Variants in OASL observed in about 807,000 individuals in gnomAD.
OASL encodes 2'-5'-oligoadenylate synthetase like.
A neutral mutation model predicts 35.3 loss-of-function variants in OASL; 28 were observed. The ratio of observed to expected loss-of-function variants is 0.79; its 90% CI spans 0.59 to 1.09. OASL has a LOEUF of 1.09. Among genes scored for constraint, OASL ranks in the 50% least tolerant of loss-of-function variants. OASL has a pLI of 0.00. For synonymous variants in OASL, 252 were observed against 254.6 expected, an observed-to-expected ratio of 0.99 and a Z score of 0.10; for missense variants, 620 against 635.2, an observed-to-expected ratio of 0.98 and a Z score of 0.26.
At chr12:121,028,619 C>A (rs112508908) in intron 3 of OASL, among the ~76,000 whole-genome samples, 22,605 of 146,304 alleles carry the variant, frequency 0.15, 1,654 homozygotes, top group Non-Finnish European at 0.19. Context: ...TGAAACCCGC[C>A]CCCCCCGCCC....
chr12:121,034,110 C>T (rs1869858988), intron 1 of OASL, among the ~76,000 whole-genome samples: 1 of 151,896 alleles, frequency 6.6e-6, no homozygotes, highest in African/African-American at 2.4e-5. Context: ...GTGCCTGGCA[C>T]ACAGGAAGTC....
At chr12:121,018,665 G>A (rs146651774), downstream of OASL, among the ~76,000 whole-genome samples, 1,092 of 151,724 alleles carry the variant, frequency 7.2e-3, 19 homozygotes, top group African/African-American at 0.025. Context: ...TCAGGAGTTC[G>A]AGACTAGCCT....
intron 1 of OASL, among the ~76,000 whole-genome samples, chr12:121,035,869 T>C (rs1022387526): frequency 1.1e-4 from 17 of 152,134 alleles, no homozygotes; most frequent in African/African-American, 4.1e-4. Flanking sequence ...GACTTCCCTT[T>C]CTTTTTGAGA....
In OASL at chr12:121,020,486, A is replaced by G. The variant is rs1869182487; in HGVS notation, c.*75T>C. ...AAGACCTGGGACCTTCCCAGTAGAC[A>G]ATGGGACAGAGTGATTGACAGGATG... On this transcript the variant is annotated 3_prime_UTR_variant, in exon 6 of 6. Coordinates refer to ENST00000257570, the Ensembl canonical transcript of OASL. The G allele has an allele frequency of 2.1e-6, 3 of 1,453,484 alleles. No homozygotes were observed. In the East Asian group the frequency reaches 6.9e-5, roughly 33 times the overall value. 90.0% of individuals were successfully genotyped at this position (1,453,484 alleles called of 1,614,324 possible).
chr12:121,022,021 C>T (rs1210661701), intron 5 of OASL, among the ~76,000 whole-genome samples: 3 of 152,018 alleles, frequency 2.0e-5, no homozygotes, highest in Non-Finnish European at 4.4e-5. Flanking sequence ...GCGATCCTCC[C>T]GCCTCAGTTT....
intron 1 of OASL, among the ~76,000 whole-genome samples, chr12:121,036,870 A>C (rs1869977139): frequency 6.6e-6 from 1 of 152,148 alleles, no homozygotes. Flanking sequence ...TTCAGCCTGC[A>C]TTGCACCACT....
rs533655543 is a variant in OASL, at chr12:121,035,781, C to G, written c.199-2038G>C. 1.2e-3 allele frequency among the ~76,000 whole-genome samples: 182 copies of G among 152,254 alleles called. 2 individuals carry two copies. The highest frequency in any genetic ancestry group is 4.3e-3 in the African/African-American group (177 of 41,564). On this transcript the variant is annotated intron_variant, in intron 1 of 5. Transcript: ENST00000257570. ...GGACCATGGGCATTCAGACCCAGCA[C>G]CTCCACCCCCTGGGAGAGGGTTGGA... is the stretch of plus-strand genomic sequence containing the variant.
exon 2 of OASL, chr12:121,033,509 T>A: frequency 6.2e-7 from 1 of 1,613,968 alleles, no homozygotes; most frequent in Non-Finnish European, 8.5e-7. Flanking sequence ...GGCTCCGCAG[T>A]CCCCCTGGTC....
intron 5 of OASL, 39 bp downstream of exon 5, chr12:121,023,951 G>A (rs368541504): frequency 6.2e-7 from 1 of 1,610,406 alleles, no homozygotes; most frequent in Non-Finnish European, 8.5e-7. Context: ...CTGTCGTTCT[G>A]ACCTTCAAGC....
chr12:121,018,247 C>T (rs536854822), downstream of OASL, among the ~76,000 whole-genome samples: 30 of 152,196 alleles, frequency 2.0e-4, no homozygotes, highest in African/African-American at 6.5e-4. Flanking sequence ...CTTAAAATGG[C>T]GTCAGCACCA....
chr12:121,035,752 C>T (rs887560763), intron 1 of OASL, among the ~76,000 whole-genome samples: 1 of 152,152 alleles, frequency 6.6e-6, no homozygotes. Flanking sequence ...GCCCTGCTTC[C>T]AAGGGACCAT....
At chr12:121,021,175 A>G (rs1242793096) in intron 5 of OASL, 117 bp from the exon 6 acceptor site, 1 of 1,094,194 alleles carries the variant, frequency 9.1e-7, no homozygotes, top group Non-Finnish European at 1.3e-6. Context: ...GGCAGCAGCA[A>G]ATGTTTAGGG....
intron 1 of OASL, among the ~76,000 whole-genome samples, chr12:121,037,721 G>A (rs1870009886): frequency 6.6e-6 from 1 of 151,258 alleles, no homozygotes; most frequent in Admixed American, 6.6e-5. Context: ...GCAGTGAGCT[G>A]AGATCGTGCC....
chr12:121,025,627 C>T (rs568227776), intron 4 of OASL, among the ~76,000 whole-genome samples: 91 of 151,794 alleles, frequency 6.0e-4, no homozygotes, highest in African/African-American at 1.8e-3. Context: ...TAGGGCATGG[C>T]GGCAGGCGCC....
intron 5 of OASL, among the ~76,000 whole-genome samples, chr12:121,021,691 G>A (rs1869243050): frequency 6.6e-6 from 1 of 152,160 alleles, no homozygotes; most frequent in Non-Finnish European, 1.5e-5. Context: ...TATGCCTGTA[G>A]TCCCAGCTAC....
chr12:121,019,389 G>C (rs968202057), exon 6 of OASL: 3 of 150,522 alleles, frequency 2.0e-5, no homozygotes, highest in Non-Finnish European at 3.0e-5. Context: ...GGCAAAACAG[G>C]GGGGCAAAAG....
chr12:121,031,314 G>C lies in OASL; in HGVS notation c.657+128C>G, dbSNP rs960037750. 1.1e-5 allele frequency: 9 copies of C among 818,148 alleles called. No individual in the cohort carries two copies. In the Admixed American group the frequency reaches 1.5e-4, roughly 14 times the overall value. The allele number at this position is 818,148 out of a possible 1,614,324, so 50.7% of individuals were successfully genotyped here. On this transcript the variant is annotated intron_variant, in intron 3 of 5. Coordinates refer to ENST00000257570, the Ensembl canonical transcript of OASL. ...TTTCACTTTACATTTCAAAAGACTA[G>C]CATTCTCTCCCTCTCTACCTGCTTC... is the stretch of plus-strand genomic sequence containing the variant.
chr12:121,024,061 C>T, exon 5 of OASL: 1 of 1,614,150 alleles, frequency 6.2e-7, no homozygotes, highest in South Asian at 1.1e-5. Context: ...CACTGGGAGG[C>T]CCTCTGAGCA....
At chr12:121,025,162 G>C (rs1229367405) in intron 4 of OASL, among the ~76,000 whole-genome samples, 1 of 151,770 alleles carries the variant, frequency 6.6e-6, no homozygotes, top group African/African-American at 2.4e-5. Flanking sequence ...ATTTTTAGTA[G>C]AGATGGGGTT....
Sources: allele counts gnomAD v4.1 joint callset (sites outside exome capture counted in the v4.1 genomes callset), GRCh38; gene constraint gnomAD v4.1.1; transcripts MANE v1.5; gene names NCBI Gene and HGNC (gene_info 2026-07-23, HGNC 2026-07-21).